APBA1: variants seen among roughly 807,000 people sequenced by gnomAD.
APBA1 encodes the protein amyloid beta precursor protein binding family A member 1, also known as amyloid-beta A4 precursor protein-binding family A member 1.
In APBA1, 55 loss-of-function variants were observed where a neutral mutation model predicts 86.6. That is an observed-to-expected ratio of 0.64 (90% CI 0.51 to 0.80). The LOEUF is 0.80. APBA1 is among the 30% of genes least tolerant of loss of function. The pLI is 0.00. For synonymous variants in APBA1, 511 were observed against 493.9 expected, an observed-to-expected ratio of 1.03 and a Z score of -0.46; for missense variants, 1,090 against 1,183.0, an observed-to-expected ratio of 0.92 and a Z score of 1.15.
At chr9:69,529,657 A>C (rs1481638244) in intron 1 of APBA1, among the ~76,000 whole-genome samples, 1 of 152,162 alleles carries the variant, frequency 6.6e-6, no homozygotes, top group East Asian at 1.9e-4. Flanking sequence ...TTGAAGATCC[A>C]CAACCTTTCA....
chr9:69,505,431 C>T (rs1210909986), intron 2 of APBA1, among the ~76,000 whole-genome samples: 1 of 152,088 alleles, frequency 6.6e-6, no homozygotes, highest in African/African-American at 2.4e-5. Flanking sequence ...AATCCTGGGG[C>T]ACACTAACTC....
intron 1 of APBA1, among the ~76,000 whole-genome samples, chr9:69,630,933 C>T (rs1238250885): frequency 1.3e-5 from 2 of 152,204 alleles, no homozygotes; most frequent in Non-Finnish European, 2.9e-5. Context: ...AGCCTCAGAA[C>T]AAGTGAGACC....
At chr9:69,665,938 G>A (rs1823833858) in intron 1 of APBA1, among the ~76,000 whole-genome samples, 1 of 152,160 alleles carries the variant, frequency 6.6e-6, no homozygotes, top group African/African-American at 2.4e-5. Flanking sequence ...ATTTCGCCAT[G>A]TTGGCCAGGC....
chr9:69,530,296 TTG>T (rs554992215), intron 1 of APBA1, among the ~76,000 whole-genome samples: 11,290 of 98,240 alleles, frequency 0.11, 511 homozygotes, highest in Admixed American at 0.2. Flanking sequence ...AAGAAAAAAG[TTG>T]TGTGTGTGTA....
intron 2 of APBA1, among the ~76,000 whole-genome samples, chr9:69,496,807 C>T (rs1835805567): frequency 6.6e-6 from 1 of 152,020 alleles, no homozygotes; most frequent in Admixed American, 6.5e-5. Context: ...TATTCCTCAC[C>T]ATTTAACTCT....
chr9:69,638,490 C>G (rs968852216), intron 1 of APBA1, among the ~76,000 whole-genome samples: 1 of 152,208 alleles, frequency 6.6e-6, no homozygotes, highest in African/African-American at 2.4e-5. Flanking sequence ...ATCTGTCCAC[C>G]TCGACCTCCC....
intron 1 of APBA1, among the ~76,000 whole-genome samples, chr9:69,636,927 GAAAGAAAGAAA>G (rs1564098997): frequency 7.5e-4 from 91 of 120,626 alleles, no homozygotes; most frequent in African/African-American, 2.4e-3. Context: ...AGGAAGGAAA[GAAAGAAAGAAA>G]GAAAGAAAGA....
intron 1 of APBA1, among the ~76,000 whole-genome samples, chr9:69,532,179 G>GA (rs1212076826): frequency 6.6e-6 from 1 of 151,872 alleles, no homozygotes; most frequent in African/African-American, 2.4e-5. Context: ...TGTAGCAGAG[G>GA]GGGAAGGGGG....
intron 1 of APBA1, among the ~76,000 whole-genome samples, chr9:69,669,382 C>T (rs1449703469): frequency 6.6e-6 from 1 of 152,004 alleles, no homozygotes; most frequent in Non-Finnish European, 1.5e-5. Flanking sequence ...AAAACAACAA[C>T]AACAAAAAAC....
chr9:69,583,918 T>C (rs750342938), intron 1 of APBA1, among the ~76,000 whole-genome samples: 20 of 152,220 alleles, frequency 1.3e-4, no homozygotes, highest in Non-Finnish European at 2.4e-4. Context: ...GAGATGAGGA[T>C]TCAAGGGCGT....
At chr9:69,552,545 T>G (rs903064026) in intron 1 of APBA1, among the ~76,000 whole-genome samples, 1 of 152,232 alleles carries the variant, frequency 6.6e-6, no homozygotes, top group African/African-American at 2.4e-5. Context: ...TTCTCCAAAT[T>G]GAAATATCAA....
chr9:69,600,268 C>T (rs1408381887), intron 1 of APBA1, among the ~76,000 whole-genome samples: 2 of 152,234 alleles, frequency 1.3e-5, no homozygotes, highest in East Asian at 3.8e-4. Context: ...TCTGCAGAAA[C>T]AGCACCATGG....
chr9:69,566,512 T>C (rs1328957338), intron 1 of APBA1, among the ~76,000 whole-genome samples: 1 of 152,214 alleles, frequency 6.6e-6, no homozygotes, highest in African/African-American at 2.4e-5. Flanking sequence ...AATGCTCTGA[T>C]AGTGACTCTT....
At chr9:69,552,075 G>A (rs1836793284) in intron 1 of APBA1, among the ~76,000 whole-genome samples, 1 of 152,234 alleles carries the variant, frequency 6.6e-6, no homozygotes, top group Non-Finnish European at 1.5e-5. Flanking sequence ...AGTTCCTGCA[G>A]AAGTGTTGGG....
chr9:69,489,321 AC>A (rs1290350263), intron 2 of APBA1, among the ~76,000 whole-genome samples: 4 of 152,072 alleles, frequency 2.6e-5, no homozygotes, highest in Non-Finnish European at 5.9e-5. Context: ...CAGAAATAAT[AC>A]CACACATCTA....
chr9:69,458,201 GAACA>G lies in APBA1; in HGVS notation c.1483-17_1483-14del, dbSNP rs752983529. 66 of 1,606,598 alleles carry G rather than the reference GAACA, an allele frequency of 4.1e-5. No individual in the cohort carries two copies. Among genetic ancestry groups the G allele is most frequent in the African/African-American group, 5.4e-5 (4 of 74,542 alleles). On this transcript the variant is annotated splice_polypyrimidine_tract_variant and intron_variant, in intron 5 of 12. Coordinates refer to ENST00000265381, the MANE Select transcript of APBA1 (RefSeq NM_001163.4). ...ATTTCTGGGCCATCTGCTTAGCATG[GAACA>G]AACAGAGACAGGAGAATAGTTAGAA...
intron 2 of APBA1, among the ~76,000 whole-genome samples, chr9:69,501,306 T>C (rs1221135316): frequency 2.6e-5 from 4 of 152,146 alleles, no homozygotes; most frequent in African/African-American, 9.7e-5. Flanking sequence ...CAGAACATGT[T>C]GCCAGTTACA....
intron 2 of APBA1, among the ~76,000 whole-genome samples, chr9:69,504,989 C>G (rs1245221013): frequency 1.3e-5 from 2 of 152,022 alleles, no homozygotes; most frequent in Admixed American, 1.3e-4. Flanking sequence ...GTATCTGTGT[C>G]TCTAATTCTT....
intron 1 of APBA1, among the ~76,000 whole-genome samples, chr9:69,590,125 T>C (rs2133964172): frequency 1.3e-5 from 2 of 152,352 alleles, no homozygotes; most frequent in Non-Finnish European, 2.9e-5. Flanking sequence ...TTTCTATCCC[T>C]GTGCTCATTC....
Sources: allele counts gnomAD v4.1 joint callset (sites outside exome capture counted in the v4.1 genomes callset), GRCh38; gene constraint gnomAD v4.1.1; transcripts MANE v1.5; gene names NCBI Gene and HGNC (gene_info 2026-07-23, HGNC 2026-07-21).